Variants in SLC26A3 observed in about 807,000 individuals in gnomAD.
SLC26A3 encodes the protein solute carrier family 26 member 3, also known as chloride anion exchanger.
A neutral mutation model predicts 85.6 loss-of-function variants in SLC26A3; 64 were observed. The ratio of observed to expected loss-of-function variants is 0.75; its 90% CI spans 0.61 to 0.92. The LOEUF (loss-of-function observed/expected upper bound fraction) is 0.92, where lower values mean the gene tolerates loss of function less well. Among genes scored for constraint, SLC26A3 ranks in the 40% least tolerant of loss-of-function variants. The pLI is 0.00. For missense variants in SLC26A3, 922 were observed against 927.3 expected (o/e 0.99, Z 0.07); for synonymous variants, 349 against 336.0 (o/e 1.04, Z -0.42).
chr7:107,791,138 A>G lies in SLC26A3; in HGVS notation c.480T>C (p.Pro160=). 6.2e-7 allele frequency: 1 copy of G among 1,614,094 alleles called. No homozygotes were observed. The highest frequency in any genetic ancestry group is 2.2e-5 in the East Asian group (1 of 44,896). Residue 160 remains proline, a synonymous_variant, in exon 5 of 21, where the codon CCT becomes CCC. Coordinates refer to ENST00000340010, the MANE Select transcript of SLC26A3 (RefSeq NM_000111.3). ...PDRNATTLGL[P]NNSNNSSLLD... ...GTAGTGAAGAATTATTCGAGTTGTT[A>G]GGCAATCCCAAAGTAGTTGCATTGC...
chr7:107,777,894 C>T (rs764806782), intron 13 of SLC26A3, among the ~76,000 whole-genome samples: 3 of 152,114 alleles, frequency 2.0e-5, no homozygotes, highest in East Asian at 3.8e-4. Context: ...TATAGCTGGG[C>T]GAATAGACTC....
Position 107,778,204 on chromosome 7 carries a change from T to C in SLC26A3, c.1485A>G (p.Gln495=). The stretch of plus-strand genomic sequence containing the variant: ...GGGTCCTGAACACGATGGTTAGCAG[T>C]TGAAATGCCACACTAGCTGCCAGGC... ...GLGLAASVAF[Q]LLTIVFRTQF... The change falls in exon 13 of 21, where the codon CAA becomes CAG. Residue 495 remains glutamine (Q), a synonymous_variant. Transcript: ENST00000340010. The C allele has an allele frequency of 6.2e-7, 1 of 1,613,882 alleles. No individual in the cohort carries two copies. Among genetic ancestry groups the C allele is most frequent in the East Asian group, 2.2e-5 (1 of 44,876 alleles).
chr7:107,777,113 T>C (rs1267478868), intron 13 of SLC26A3, among the ~76,000 whole-genome samples: 2 of 152,182 alleles, frequency 1.3e-5, no homozygotes, highest in East Asian at 3.8e-4. Flanking sequence ...TGGAATGAAA[T>C]ATAAATAAAT....
intron 8 of SLC26A3, among the ~76,000 whole-genome samples, chr7:107,784,012 TA>T: frequency 6.6e-6 from 1 of 152,344 alleles, no homozygotes; most frequent in Admixed American, 6.5e-5. Context: ...AATTGTATCA[TA>T]AAAGGTGCAT....
chr7:107,775,490 C>T (rs921461456), intron 15 of SLC26A3, among the ~76,000 whole-genome samples: 7 of 151,574 alleles, frequency 4.6e-5, no homozygotes, highest in Admixed American at 1.3e-4. Context: ...TTTGGGAGGC[C>T]GAGGTGGGAG....
At chr7:107,787,684 T>C (rs778419248) in intron 6 of SLC26A3, among the ~76,000 whole-genome samples, 175 bp from the exon 7 acceptor site, 6 of 152,226 alleles carry the variant, frequency 3.9e-5, no homozygotes, top group Non-Finnish European at 8.8e-5. Context: ...AGAGTAGCGA[T>C]GGAGATATGA....
At chr7:107,767,389 G>A (rs114534456) in intron 20 of SLC26A3, among the ~76,000 whole-genome samples, 190 bp downstream of exon 20, 1,557 of 152,178 alleles carry the variant, frequency 0.01, 28 homozygotes, top group African/African-American at 0.036. Flanking sequence ...GTTTTTGTAC[G>A]GGTCTGAGTT....
intron 1 of SLC26A3, among the ~76,000 whole-genome samples, chr7:107,794,984 A>T (rs1378885297): frequency 6.6e-6 from 1 of 152,150 alleles, no homozygotes; most frequent in Non-Finnish European, 1.5e-5. Context: ...TCCAGTCCAG[A>T]CTGTTCCAAT....
In SLC26A3 at chr7:107,774,766, A is replaced by C. The variant is rs1301441373; in HGVS notation, c.1773+11T>G. On this transcript the variant is annotated intron_variant, in intron 16 of 20. Coordinates refer to ENST00000340010, the MANE Select transcript of SLC26A3 (RefSeq NM_000111.3). ...AGCTATAATGCATAGAAATGTGGTC[A>C]AGGAACTTACTGGTGTCACTTGTAG... 6.2e-7 allele frequency: 1 copy of C among 1,602,928 alleles called. No homozygotes were observed. Among genetic ancestry groups the C allele is most frequent in the East Asian group, 2.2e-5 (1 of 44,830 alleles).
chr7:107,791,882 A>G lies in SLC26A3; in HGVS notation c.330T>C (p.Phe110=). The G allele has an allele frequency of 6.2e-7, 1 of 1,613,960 alleles. No individual in the cohort carries two copies. Among genetic ancestry groups the G allele is most frequent in the East Asian group, 2.2e-5 (1 of 44,874 alleles). The change falls in exon 4 of 21, where the codon TTT becomes TTC. Residue 110 remains phenylalanine, a synonymous_variant. Coordinates refer to ENST00000340010, the MANE Select transcript of SLC26A3 (RefSeq NM_000111.3). ...IPPVYGLYAS[F]FPAIIYLFFG... ...AGAAAAGGTAGATTATGGCTGGGAA[A>G]AAGGATGCATACAACCCATAGACTG...
At chr7:107,778,107 A>T in intron 13 of SLC26A3, 68 bp downstream of exon 13, 1 of 1,058,418 alleles carries the variant, frequency 9.4e-7, no homozygotes, top group Non-Finnish European at 1.5e-6. Context: ...AGCCAGTGAC[A>T]TTTTTTTTCC....
At chr7:107,792,403 A>T (rs1034226865) in intron 3 of SLC26A3, among the ~76,000 whole-genome samples, 3 of 151,972 alleles carry the variant, frequency 2.0e-5, no homozygotes, top group Non-Finnish European at 4.4e-5. Context: ...CTGCAACTAG[A>T]TGGTTCCCTC....
chr7:107,775,005 A>C, intron 15 of SLC26A3, 133 bp from the exon 16 acceptor site: 2 of 768,190 alleles, frequency 2.6e-6, no homozygotes, highest in Non-Finnish European at 4.5e-6. Context: ...AAAATTTAAA[A>C]GTGGTTTAAA....
rs560156031 is a variant in SLC26A3 at position 107,768,005 on chromosome 7, G to A, written c.2063-97C>T. ...AATTTCACCTTCCATTTGCAAATGT[G>A]CGTTTCATTGACATTTGGTTAAGTG... On this transcript the variant is annotated intron_variant, in intron 18 of 20. Coordinates refer to ENST00000340010, the MANE Select transcript of SLC26A3 (RefSeq NM_000111.3). 12 of 1,080,802 alleles carry A rather than the reference G, an allele frequency of 1.1e-5. No individual in the cohort carries two copies. In the South Asian group the frequency reaches 1.6e-4, roughly 14 times the overall value. 67.0% of individuals were successfully genotyped at this position (1,080,802 alleles called of 1,614,324 possible). A position where few individuals can be genotyped will look rare whatever the true frequency, so the allele number is the denominator to read the frequency against.
At chr7:107,791,339 T>C (rs1253137286) in intron 4 of SLC26A3, 104 bp from the exon 5 acceptor site, 44 of 1,282,590 alleles carry the variant, frequency 3.4e-5, no homozygotes, top group East Asian at 9.2e-5. Flanking sequence ...AGGCTGGGCG[T>C]GGTGGCTCAC....
At chr7:107,782,685 A>G (rs570021721) in intron 11 of SLC26A3, 112 bp downstream of exon 11, 2 of 996,366 alleles carry the variant, frequency 2.0e-6, no homozygotes, top group East Asian at 2.4e-5. Context: ...AGAGTACTTG[A>G]GAGTTTGTCA....
intron 8 of SLC26A3, among the ~76,000 whole-genome samples, chr7:107,785,355 G>A (rs1212562314): frequency 6.6e-6 from 1 of 152,092 alleles, no homozygotes; most frequent in African/African-American, 2.4e-5. Flanking sequence ...TTACCTACTA[G>A]GTTACACTGC....
At chr7:107,777,673 GC>G (rs1254528810) in intron 13 of SLC26A3, among the ~76,000 whole-genome samples, 8 of 152,112 alleles carry the variant, frequency 5.3e-5, no homozygotes, top group African/African-American at 1.9e-4. Context: ...ATTCCAAATG[GC>G]TTTTGTGGAA....
intron 1 of SLC26A3, among the ~76,000 whole-genome samples, chr7:107,800,109 C>A (rs993607167): frequency 6.6e-6 from 1 of 152,202 alleles, no homozygotes; most frequent in East Asian, 1.9e-4. Context: ...TCCTAACACG[C>A]TATGATATTT....
Sources: gnomAD v4.1 joint callset for allele counts (sites outside exome capture counted in the v4.1 genomes callset) on GRCh38, gnomAD v4.1.1 for gene constraint, MANE v1.5 for transcripts, NCBI Gene and HGNC (gene_info 2026-07-23, HGNC 2026-07-21) for gene names.